Variants in PTPRD observed in about 807,000 individuals in gnomAD.
PTPRD encodes receptor-type tyrosine-protein phosphatase delta.
In PTPRD, 34 loss-of-function variants were observed where a neutral mutation model predicts 214.5. The observed-to-expected ratio is 0.16, with a 90% confidence interval of 0.12 to 0.21. PTPRD has a LOEUF of 0.21. PTPRD is among the 10% of genes least tolerant of loss of function. The pLI is 1.00. For missense variants in PTPRD, 2,545 were observed against 2,398.7 expected, an observed-to-expected ratio of 1.06 and a Z score of -1.27; for synonymous variants, 1,128 against 845.7, an observed-to-expected ratio of 1.33 and a Z score of -5.79.
intron 21 of PTPRD, among the ~76,000 whole-genome samples, chr9:8,512,273 T>C (rs2097697933): frequency 6.6e-6 from 1 of 152,036 alleles, no homozygotes; most frequent in African/African-American, 2.4e-5. Context: ...GCCACAAATA[T>C]ATCATTGACA....
intron 8 of PTPRD, among the ~76,000 whole-genome samples, chr9:9,566,224 A>G (rs919038750): frequency 6.6e-6 from 1 of 152,036 alleles, no homozygotes; most frequent in Non-Finnish European, 1.5e-5. Context: ...GACTGTTATT[A>G]TCTACTTATA....
At chr9:8,657,913 C>T (rs1474582149) in intron 12 of PTPRD, among the ~76,000 whole-genome samples, 1 of 152,242 alleles carries the variant, frequency 6.6e-6, no homozygotes, top group Admixed American at 6.5e-5. Context: ...TAATGTTTTA[C>T]ATCCTTTTGT....
At chr9:9,504,386 G>T (rs1195755344) in intron 8 of PTPRD, among the ~76,000 whole-genome samples, 1 of 151,622 alleles carries the variant, frequency 6.6e-6, no homozygotes, top group African/African-American at 2.4e-5. Flanking sequence ...TATGGCTTAT[G>T]ATGACCTACA....
At chr9:9,746,018 A>G (rs959923172) in intron 6 of PTPRD, among the ~76,000 whole-genome samples, 6 of 152,152 alleles carry the variant, frequency 3.9e-5, no homozygotes, top group African/African-American at 1.4e-4. Context: ...TGCAAATGAA[A>G]TAAGATTTTA....
chr9:9,952,522 G>T (rs148155826), intron 4 of PTPRD, among the ~76,000 whole-genome samples: 1 of 152,126 alleles, frequency 6.6e-6, no homozygotes. Flanking sequence ...TGCAATGGAA[G>T]ATTGTTTCTC....
intron 9 of PTPRD, among the ~76,000 whole-genome samples, chr9:9,257,484 AT>A (rs140569911): frequency 2.0e-3 from 306 of 152,038 alleles, no homozygotes; most frequent in South Asian, 8.9e-3. Context: ...AAAAGTCCGA[AT>A]TTTTATATAT....
intron 9 of PTPRD, among the ~76,000 whole-genome samples, chr9:9,202,598 TG>T (rs1029231140): frequency 1.3e-5 from 2 of 152,082 alleles, no homozygotes; most frequent in Non-Finnish European, 2.9e-5. Flanking sequence ...AGTTGGGGGA[TG>T]GGGGGTGTAG....
At chr9:8,331,479 C>T in intron 44 of PTPRD, 103 bp downstream of exon 44, 1 of 1,343,168 alleles carries the variant, frequency 7.4e-7, no homozygotes, top group South Asian at 1.4e-5. Flanking sequence ...AATACATTGC[C>T]AAGAATAAAA....
At chr9:9,326,076 G>T (rs1342108616) in intron 9 of PTPRD, among the ~76,000 whole-genome samples, 1 of 151,990 alleles carries the variant, frequency 6.6e-6, no homozygotes, top group Non-Finnish European at 1.5e-5. Flanking sequence ...TTTTTGATGT[G>T]CCGCAGGATT....
At chr9:8,320,449 T>G (rs1269953103) in intron 44 of PTPRD, among the ~76,000 whole-genome samples, 2 of 152,144 alleles carry the variant, frequency 1.3e-5, no homozygotes, top group Non-Finnish European at 1.5e-5. Context: ...TAAATGTATT[T>G]GCCTATAACT....
At chr9:10,583,451 G>T (rs1853228) in intron 2 of PTPRD, among the ~76,000 whole-genome samples, 1 of 148,948 alleles carries the variant, frequency 6.7e-6, no homozygotes, top group Non-Finnish European at 1.5e-5. Context: ...TTATAAACTA[G>T]AAGTTCTTTT....
At chr9:9,309,086 T>TA (rs1274809214) in intron 9 of PTPRD, among the ~76,000 whole-genome samples, 3 of 152,046 alleles carry the variant, frequency 2.0e-5, no homozygotes, top group Non-Finnish European at 4.4e-5. Flanking sequence ...CAAATAAAAA[T>TA]AAAAAACCAA....
At chr9:10,576,101 T>G (rs773428088) in intron 2 of PTPRD, among the ~76,000 whole-genome samples, 2 of 152,176 alleles carry the variant, frequency 1.3e-5, no homozygotes, top group Non-Finnish European at 2.9e-5. Context: ...TAACCCAGAT[T>G]CCATTTCTTC....
At chr9:8,385,618 C>T (rs1321926439) in intron 37 of PTPRD, among the ~76,000 whole-genome samples, 1 of 151,800 alleles carries the variant, frequency 6.6e-6, no homozygotes, top group Non-Finnish European at 1.5e-5. Context: ...ATAAAATAAC[C>T]AAAAAAGGGG....
chr9:10,430,917 T>C (rs1366672530), intron 2 of PTPRD, among the ~76,000 whole-genome samples: 1 of 151,976 alleles, frequency 6.6e-6, no homozygotes. Context: ...TATGGACATA[T>C]TTTAAGCTTT....
chr9:10,345,965 T>G (rs527843954), intron 2 of PTPRD, among the ~76,000 whole-genome samples: 25 of 152,294 alleles, frequency 1.6e-4, no homozygotes, highest in African/African-American at 5.8e-4. Flanking sequence ...CTAACTGATG[T>G]GAGATGGTAT....
chr9:9,329,845 T>A (rs932696209), intron 9 of PTPRD, among the ~76,000 whole-genome samples: 1 of 152,212 alleles, frequency 6.6e-6, no homozygotes, highest in Non-Finnish European at 1.5e-5. Context: ...AAGATTTAAA[T>A]ACAATTTTTG....
chr9:9,254,758 C>T (rs896096554), intron 9 of PTPRD, among the ~76,000 whole-genome samples: 5 of 151,972 alleles, frequency 3.3e-5, no homozygotes, highest in Non-Finnish European at 7.4e-5. Context: ...TGTTTTTAAA[C>T]GGTATTTTAA....
chr9:9,821,789 G>A (rs1271364825), intron 5 of PTPRD, among the ~76,000 whole-genome samples: 1 of 151,726 alleles, frequency 6.6e-6, no homozygotes, highest in Non-Finnish European at 1.5e-5. Context: ...ATAATAAGCA[G>A]TAAAGCAAGG....
Sources: gnomAD v4.1 joint callset for allele counts (sites outside exome capture counted in the v4.1 genomes callset) on GRCh38, gnomAD v4.1.1 for gene constraint, MANE v1.5 for transcripts, NCBI Gene and HGNC (gene_info 2026-07-23, HGNC 2026-07-21) for gene names.